Variants in SLIT3 observed in about 807,000 individuals in gnomAD.
The protein encoded by SLIT3 is slit homolog 3 protein.
A neutral mutation model predicts 184.0 loss-of-function variants in SLIT3; 68 were observed. The observed-to-expected ratio is 0.37, with a 90% confidence interval of 0.30 to 0.45. SLIT3 has a LOEUF of 0.45. Among genes scored for constraint, SLIT3 ranks in the 20% least tolerant of loss-of-function variants. The pLI, the probability that SLIT3 is intolerant of heterozygous loss-of-function variation, is 1.00. For synonymous variants in SLIT3, 831 were observed against 828.6 expected (o/e 1.00, Z -0.05); for missense variants, 1,707 against 2,026.0 (o/e 0.84, Z 3.02).
At chr5:169,051,529 A>C (rs560070701) in intron 4 of SLIT3, among the ~76,000 whole-genome samples, 1 of 152,318 alleles carries the variant, frequency 6.6e-6, no homozygotes, top group Admixed American at 6.5e-5. Context: ...TAATTAACCA[A>C]GTCATAAAGG....
chr5:168,789,778 A>C, intron 10 of SLIT3, 147 bp from the exon 11 acceptor site: 1 of 630,480 alleles, frequency 1.6e-6, no homozygotes, highest in African/African-American at 1.8e-5. Flanking sequence ...GTGCAAGAGA[A>C]GGAGCTTAAA....
intron 3 of SLIT3, among the ~76,000 whole-genome samples, chr5:169,211,972 T>A (rs112814880): frequency 0.24 from 36,943 of 152,186 alleles, 5,272 homozygotes; most frequent in East Asian, 0.64. Context: ...TCATCCTTTT[T>A]TATGGCTGCA....
At chr5:168,905,289 T>C (rs1422965298) in intron 4 of SLIT3, among the ~76,000 whole-genome samples, 2 of 152,246 alleles carry the variant, frequency 1.3e-5, no homozygotes, top group Admixed American at 6.5e-5. Context: ...TCCATGTTGC[T>C]GGCTGATTGG....
At chr5:169,204,111 AC>A in intron 3 of SLIT3, among the ~76,000 whole-genome samples, 1 of 152,062 alleles carries the variant, frequency 6.6e-6, no homozygotes, top group Non-Finnish European at 1.5e-5. Flanking sequence ...AGAGGAGGAA[AC>A]AGCCCCCAGT....
intron 4 of SLIT3, among the ~76,000 whole-genome samples, chr5:169,129,474 C>T (rs888869734): frequency 6.6e-6 from 1 of 152,126 alleles, no homozygotes; most frequent in East Asian, 1.9e-4. Flanking sequence ...ATCTCTTGAA[C>T]CCGGGAGGCA....
At chr5:169,013,632 G>A (rs907981303) in intron 4 of SLIT3, among the ~76,000 whole-genome samples, 5 of 152,142 alleles carry the variant, frequency 3.3e-5, no homozygotes, top group Non-Finnish European at 5.9e-5. Context: ...TCTTACGCCC[G>A]TTCTGAGATG....
intron 1 of SLIT3, among the ~76,000 whole-genome samples, chr5:169,287,711 G>C (rs1453614500): frequency 6.6e-6 from 1 of 152,148 alleles, no homozygotes; most frequent in African/African-American, 2.4e-5. Flanking sequence ...CTTGTACGCT[G>C]GCAGCAGATG....
At chr5:169,034,912 AGTGTGTGTGTGTGTGTGT>A (rs112102059) in intron 4 of SLIT3, among the ~76,000 whole-genome samples, 44 of 132,418 alleles carry the variant, frequency 3.3e-4, no homozygotes, top group African/African-American at 4.3e-4. Context: ...ACGCCCAGCT[AGTGTGTGTGTGTGTGTGT>A]GTGTGTGTGT....
chr5:168,952,136 C>T lies in SLIT3; in HGVS notation c.414-68800G>A, dbSNP rs74693301. ...GATCGCAAGTGCTGTGGGTTATAAA[C>T]GAAGCCATGCATCATGGGGCCGCCT... On this transcript the variant is annotated intron_variant, in intron 4 of 35. Transcript: ENST00000519560. Among the ~76,000 whole-genome samples the T allele has an allele frequency of 4.6e-3, 703 of 152,258 alleles. 5 individuals carry two copies. The highest frequency in any genetic ancestry group is 0.016 in the African/African-American group (656 of 41,536).
chr5:168,986,136 T>C (rs985350386), intron 4 of SLIT3, among the ~76,000 whole-genome samples: 1 of 152,182 alleles, frequency 6.6e-6, no homozygotes, highest in African/African-American at 2.4e-5. Context: ...ATATGTAATA[T>C]ACCTCATACT....
chr5:168,804,228 T>C (rs1230054620), intron 9 of SLIT3, among the ~76,000 whole-genome samples: 7 of 143,998 alleles, frequency 4.9e-5, no homozygotes, highest in Admixed American at 3.7e-4. Flanking sequence ...GAGAATCGCT[T>C]GAACCCAGGA....
chr5:169,137,278 T>G, intron 4 of SLIT3, among the ~76,000 whole-genome samples: 1 of 149,904 alleles, frequency 6.7e-6, no homozygotes, highest in African/African-American at 2.5e-5. Flanking sequence ...TCTCAATTAA[T>G]CTCCCCCTCT....
chr5:168,751,443 CAAGCAT>C (rs1754703180), intron 18 of SLIT3, among the ~76,000 whole-genome samples: 1 of 152,166 alleles, frequency 6.6e-6, no homozygotes, highest in South Asian at 2.1e-4. Context: ...GTGTGTTTTA[CAAGCAT>C]CACCACATTC....
chr5:168,718,636 C>T (rs1762826651), intron 23 of SLIT3, among the ~76,000 whole-genome samples: 1 of 149,474 alleles, frequency 6.7e-6, no homozygotes, highest in South Asian at 2.1e-4. Flanking sequence ...AAAAGACCAC[C>T]CTCCTGTTGT....
chr5:168,749,654 G>T lies in SLIT3; in HGVS notation c.1974-19C>A, dbSNP rs1245429766. On this transcript the variant is annotated intron_variant, in intron 18 of 35. Coordinates refer to ENST00000519560, the MANE Select transcript of SLIT3 (RefSeq NM_003062.4). ...GAGGTTTCTAGGAAGAGAGAAGGGTGCTTAGCCTCCATCCTTCTACTGTGG... is the reference window on the plus strand; with the variant it reads ...GAGGTTTCTAGGAAGAGAGAAGGGTTCTTAGCCTCCATCCTTCTACTGTGG... 3 of 1,613,654 alleles carry T rather than the reference G, an allele frequency of 1.9e-6. No homozygotes were observed. In the African/African-American group the frequency reaches 4.0e-5, roughly 22 times the overall value.
intron 5 of SLIT3, among the ~76,000 whole-genome samples, chr5:168,845,467 T>G (rs1050372993): frequency 6.6e-6 from 1 of 152,134 alleles, no homozygotes; most frequent in African/African-American, 2.4e-5. Context: ...TGGGAAGAAT[T>G]AAATGCACCT....
rs1390448341 is a variant in SLIT3 at position 169,224,376 on chromosome 5, TA to T, written c.341+20328del. On this transcript the variant is annotated intron_variant, in intron 3 of 35. Coordinates refer to ENST00000519560, the MANE Select transcript of SLIT3 (RefSeq NM_003062.4). ...CATTTAAAATTTTTTATTATTTATT[TA>T]TTTATTTATTTTTTTTGAGACTAGG... Among the ~76,000 whole-genome samples the T allele has an allele frequency of 8.7e-5, 7 of 80,148 alleles. No homozygotes were observed. The South Asian group carries it at 9.6e-4, about 11-fold the overall frequency. The allele number at this position is 80,148 out of a possible 152,430, so 52.6% of individuals were successfully genotyped here.
intron 4 of SLIT3, among the ~76,000 whole-genome samples, chr5:169,164,111 A>G (rs1762559640): frequency 6.6e-6 from 1 of 152,192 alleles, no homozygotes; most frequent in Admixed American, 6.5e-5. Context: ...GCTCCTTTTC[A>G]AAGTCAGGGG....
chr5:168,876,499 A>G (rs1759735705), intron 5 of SLIT3, among the ~76,000 whole-genome samples: 2 of 152,234 alleles, frequency 1.3e-5, no homozygotes, highest in South Asian at 4.2e-4. Flanking sequence ...TCCAGCCACA[A>G]ATCTCTCACG....
Sources: allele counts gnomAD v4.1 joint callset (sites outside exome capture counted in the v4.1 genomes callset), GRCh38; gene constraint gnomAD v4.1.1; transcripts MANE v1.5; gene names NCBI Gene and HGNC (gene_info 2026-07-23, HGNC 2026-07-21).